The following PKIA variants were observed in gnomAD, a reference collection of about 807,000 sequenced individuals.
PKIA encodes the protein PKI-alpha.
In PKIA, 4 loss-of-function variants were observed where a neutral mutation model predicts 7.6. The ratio of observed to expected loss-of-function variants is 0.52; its 90% CI spans 0.26 to 1.20. The LOEUF (loss-of-function observed/expected upper bound fraction) is 1.20. PKIA is among the 50% of genes most tolerant of loss of function. The pLI is 0.13. For synonymous variants in PKIA, 21 were observed against 30.7 expected (o/e 0.68, Z 1.04); for missense variants, 73 against 86.2 (o/e 0.85, Z 0.61).
At chr8:78,598,667 A>G (rs1808284102) in intron 3 of PKIA, 132 bp downstream of exon 3, 1 of 684,614 alleles carries the variant, frequency 1.5e-6, no homozygotes, top group Non-Finnish European at 2.5e-6. Context: ...CTAAGGCAAG[A>G]TGAAAGTCTG....
At position 78,602,458 on chromosome 8, in the gene PKIA, T is replaced by G. The variant is rs1163099480; in HGVS notation, c.*637T>G. 1.3e-5 allele frequency: 2 copies of G among 152,440 alleles called. No homozygotes were observed. Among genetic ancestry groups the G allele is most frequent in the Admixed American group, 6.6e-5 (1 of 15,200 alleles). 9.4% of individuals were successfully genotyped at this position (152,440 alleles called of 1,614,324 possible). On this transcript the variant is annotated 3_prime_UTR_variant, in exon 4 of 4. Transcript: ENST00000396418. The stretch of plus-strand genomic sequence containing the variant: ...ATTTTAGTTTTCCATACTGTGGTGG[T>G]GTACACAGGATAGAACACCCTTTTT...
chr8:78,558,861 G>A (rs1284028679), intron 1 of PKIA, among the ~76,000 whole-genome samples: 5 of 152,178 alleles, frequency 3.3e-5, no homozygotes, highest in African/African-American at 1.2e-4. Context: ...ATGCTAGTCA[G>A]CAGTTACTGG....
intron 1 of PKIA, among the ~76,000 whole-genome samples, chr8:78,567,844 G>T (rs941653676): frequency 5.3e-5 from 8 of 152,068 alleles, no homozygotes; most frequent in Non-Finnish European, 1.2e-4. Context: ...ACTTTATTTT[G>T]TTGCTCAAAT....
intron 2 of PKIA, among the ~76,000 whole-genome samples, chr8:78,581,971 C>T (rs540984057): frequency 6.6e-6 from 1 of 152,044 alleles, no homozygotes; most frequent in South Asian, 2.1e-4. Context: ...TTTTTACTGT[C>T]TTTTTTACTG....
intron 2 of PKIA, among the ~76,000 whole-genome samples, chr8:78,586,923 T>G (rs1807961865): frequency 6.6e-6 from 1 of 152,174 alleles, no homozygotes; most frequent in Non-Finnish European, 1.5e-5. Context: ...AATTATATAA[T>G]CCATATACAC....
intron 1 of PKIA, among the ~76,000 whole-genome samples, chr8:78,542,207 C>T (rs1455416461): frequency 6.6e-6 from 1 of 151,976 alleles, no homozygotes; most frequent in Non-Finnish European, 1.5e-5. Flanking sequence ...GTATTTATGC[C>T]ACTTTGTTTT....
intron 1 of PKIA, among the ~76,000 whole-genome samples, chr8:78,546,528 G>A (rs914250938): frequency 5.9e-5 from 9 of 151,838 alleles, no homozygotes; most frequent in Non-Finnish European, 4.4e-5. Context: ...TCAATGTAAC[G>A]TTAAAAAAAA....
intron 2 of PKIA, among the ~76,000 whole-genome samples, chr8:78,586,418 C>G (rs1585922261): frequency 6.6e-6 from 1 of 151,972 alleles, no homozygotes; most frequent in Admixed American, 6.6e-5. Flanking sequence ...TTTCATAGGT[C>G]TTTCTCAAAC....
chr8:78,531,088 T>C (rs997390532), intron 1 of PKIA, among the ~76,000 whole-genome samples: 4 of 152,108 alleles, frequency 2.6e-5, no homozygotes, highest in Admixed American at 6.6e-5. Flanking sequence ...GAATTAGTCA[T>C]TTGCTGTCAT....
At chr8:78,526,781 AAAAT>A (rs1374312800) in intron 1 of PKIA, among the ~76,000 whole-genome samples, 1 of 152,030 alleles carries the variant, frequency 6.6e-6, no homozygotes, top group East Asian at 1.9e-4. Context: ...ATAAAAAAAA[AAAAT>A]AGAGCCTCAC....
At chr8:78,564,274 G>T (rs1051286901) in intron 1 of PKIA, among the ~76,000 whole-genome samples, 4 of 151,954 alleles carry the variant, frequency 2.6e-5, no homozygotes, top group Non-Finnish European at 4.4e-5. Flanking sequence ...GCCCATTTGT[G>T]GTTGGTGTTT....
intron 1 of PKIA, among the ~76,000 whole-genome samples, chr8:78,557,037 A>G (rs1807156672): frequency 6.6e-6 from 1 of 152,116 alleles, no homozygotes; most frequent in South Asian, 2.1e-4. Flanking sequence ...TTGTATGTGC[A>G]TATGTTACCC....
intron 1 of PKIA, among the ~76,000 whole-genome samples, chr8:78,540,346 T>C (rs1806649587): frequency 6.6e-6 from 1 of 152,010 alleles, no homozygotes; most frequent in African/African-American, 2.4e-5. Flanking sequence ...GTCCCTCAAA[T>C]AGACATAAAT....
intron 2 of PKIA, among the ~76,000 whole-genome samples, chr8:78,580,504 T>A (rs1807779447): frequency 6.6e-6 from 1 of 151,576 alleles, no homozygotes; most frequent in African/African-American, 2.4e-5. Flanking sequence ...ATTGCAGAGG[T>A]TGGGCATTTG....
chr8:78,555,710 A>G (rs1381404837), intron 1 of PKIA, among the ~76,000 whole-genome samples: 1 of 152,024 alleles, frequency 6.6e-6, no homozygotes, highest in East Asian at 1.9e-4. Context: ...TTGAGTGTAT[A>G]ATTACAAAAG....
chr8:78,523,238 G>C (rs1809450271), intron 1 of PKIA, among the ~76,000 whole-genome samples: 1 of 151,906 alleles, frequency 6.6e-6, no homozygotes, highest in Non-Finnish European at 1.5e-5. Flanking sequence ...GCTGACCCTA[G>C]ACATGTCACA....
At chr8:78,562,182 T>A (rs1310318055) in intron 1 of PKIA, among the ~76,000 whole-genome samples, 1 of 152,196 alleles carries the variant, frequency 6.6e-6, no homozygotes, top group Non-Finnish European at 1.5e-5. Flanking sequence ...AGTTGAGTTT[T>A]CCTAACAAAA....
rs143129972 is a variant in PKIA, at chr8:78,519,088, A to C, written c.-157+2620A>C. On this transcript the variant is annotated intron_variant, in intron 1 of 3. Coordinates refer to ENST00000396418, the MANE Select transcript of PKIA (RefSeq NM_006823.4). ...GAAAAATGGAAGGACGTGCATGATT[A>C]GATGCTAAATGATTAGATACTAAAT... 5.2e-3 allele frequency among the ~76,000 whole-genome samples: 797 copies of C among 152,260 alleles called. 10 individuals carry two copies. The highest frequency in any genetic ancestry group is 0.017 in the African/African-American group (718 of 41,534).
intron 1 of PKIA, among the ~76,000 whole-genome samples, chr8:78,548,664 A>T (rs1416940446): frequency 6.6e-6 from 1 of 152,110 alleles, no homozygotes; most frequent in Non-Finnish European, 1.5e-5. Context: ...AGATAGGATA[A>T]TTTCTGGAGA....
Sources: allele counts gnomAD v4.1 joint callset (sites outside exome capture counted in the v4.1 genomes callset), GRCh38; gene constraint gnomAD v4.1.1; transcripts MANE v1.5; gene names NCBI Gene and HGNC (gene_info 2026-07-23, HGNC 2026-07-21).